PRAMEF20: variants seen among roughly 807,000 people sequenced by gnomAD.
The protein encoded by PRAMEF20 is PRAME family member 20, also known as PRAME family member 20/21.
Under a neutral mutation model 32.4 loss-of-function variants are expected in PRAMEF20, and 27 were observed. That is an observed-to-expected ratio of 0.83 (90% CI 0.61 to 1.15). PRAMEF20 has a LOEUF of 1.15. PRAMEF20 is among the 50% of genes most tolerant of loss of function. The pLI is 0.00. For synonymous variants in PRAMEF20, 256 were observed against 235.4 expected (o/e 1.09, Z -0.80); for missense variants, 604 against 584.5 (o/e 1.03, Z -0.34).
At chr1:13,420,178 T>C (rs1641227532) in intron 2 of PRAMEF20, among the ~76,000 whole-genome samples, 1 of 152,100 alleles carries the variant, frequency 6.6e-6, no homozygotes, top group Admixed American at 6.6e-5. Context: ...TTCCTATAAA[T>C]GATAGGGAAA....
In PRAMEF20 at chr1:13,420,853, AG is replaced by A; in HGVS notation, c.1024del (p.Val342PhefsTer3). On this transcript the variant is annotated frameshift_variant, in exon 3 of 3. Transcript: ENST00000602960. LOFTEE classifies it high-confidence loss of function. The stretch of plus-strand genomic sequence containing the variant: ...CCAATTTCAGCCTTGTGCCGCTCCA[AG>A]TTCTCCTAGAAAAAGTTGCAGCCAC... The A allele has an allele frequency of 5.0e-6, 8 of 1,613,928 alleles. No individual in the cohort carries two copies. In the South Asian group the frequency reaches 8.8e-5, roughly 18 times the overall value.
upstream of PRAMEF20, among the ~76,000 whole-genome samples, chr1:13,412,631 C>A (rs887461199): frequency 2.0e-5 from 3 of 150,852 alleles, no homozygotes; most frequent in Admixed American, 6.6e-5. Context: ...CGGCTCCCAC[C>A]CTTCATTTTC....
At chr1:13,418,577 C>T (rs958686457) in exon 2 of PRAMEF20, 12 of 1,613,018 alleles carry the variant, frequency 7.4e-6, no homozygotes, top group South Asian at 5.5e-5. Flanking sequence ...CGCTACATTT[C>T]CCCAGAGCAG....
At chr1:13,415,882 A>C (rs1006541952), upstream of PRAMEF20, among the ~76,000 whole-genome samples, 143 of 152,300 alleles carry the variant, frequency 9.4e-4, no homozygotes, top group Non-Finnish European at 1.9e-3. Flanking sequence ...AGTAAGCTTA[A>C]ATAATGAAAA....
exon 3 of PRAMEF20, chr1:13,420,843 T>G: frequency 6.2e-7 from 1 of 1,613,970 alleles, no homozygotes; most frequent in South Asian, 1.1e-5. Context: ...TTCAGCCTTG[T>G]GCCGCTCCAA....
At chr1:13,420,940 G>C in exon 3 of PRAMEF20, 1 of 1,613,656 alleles carries the variant, frequency 6.2e-7, no homozygotes, top group South Asian at 1.1e-5. Flanking sequence ...ACGCCATCCT[G>C]CCTGCCCTGA....
intron 2 of PRAMEF20, among the ~76,000 whole-genome samples, chr1:13,419,298 C>T (rs1336480900): frequency 1.3e-5 from 2 of 151,662 alleles, no homozygotes; most frequent in Non-Finnish European, 2.9e-5. Context: ...GGATTACAGG[C>T]ACGGGCCACC....
exon 2 of PRAMEF20, chr1:13,418,143 G>C (rs1204168097): frequency 6.2e-7 from 1 of 1,612,576 alleles, no homozygotes; most frequent in Non-Finnish European, 8.5e-7. Flanking sequence ...TTCAAGTGCT[G>C]GATTTACAGG....
the PRAMEF20 span, among the ~76,000 whole-genome samples, chr1:13,411,239 GAATCCCTT>G: frequency 5.3e-4 from 81 of 152,284 alleles, 1 homozygote; most frequent in African/African-American, 1.9e-3. Context: ...TGAGGTGGGA[GAATCCCTT>G]GAGCCCGGAA....
intron 2 of PRAMEF20, 31 bp downstream of exon 3, chr1:13,418,731 A>T: frequency 6.2e-7 from 1 of 1,612,038 alleles, no homozygotes; most frequent in Non-Finnish European, 8.5e-7. Context: ...TTCTCTGCAG[A>T]CCACAGCAGA....
chr1:13,420,778 C>G lies in PRAMEF20; in HGVS notation c.948C>G (p.Tyr316Ter), dbSNP rs1177187849. 8.7e-6 allele frequency: 14 copies of G among 1,613,898 alleles called. No homozygotes were observed. The highest frequency in any genetic ancestry group is 1.2e-5 in the Non-Finnish European group (14 of 1,179,866). ...CAGACTTGAAGCATCTGTCCAAGTA[C>G]CCGAGCATTGGTCAACTAAAGACCC... is the stretch of plus-strand genomic sequence containing the variant. Residue 316 changes from tyrosine to a stop codon, truncating the protein, a stop_gained, in exon 3 of 3, where the codon TAC becomes TAG. Coordinates refer to ENST00000602960, the Ensembl canonical transcript of PRAMEF20. LOFTEE classifies it high-confidence loss of function.
upstream of PRAMEF20, among the ~76,000 whole-genome samples, chr1:13,412,895 G>A (rs923437127): frequency 1.3e-5 from 2 of 151,124 alleles, no homozygotes; most frequent in Admixed American, 1.3e-4. Flanking sequence ...CTGCACTCCA[G>A]CCTGGGCTAG....
rs1353457014 is a variant in PRAMEF20 at position 13,416,696 on chromosome 1, C to A, written c.287+55C>A. On this transcript the variant is annotated intron_variant, in intron 1 of 2. Coordinates refer to ENST00000602960, the Ensembl canonical transcript of PRAMEF20. ...GGGCCCAGGTGTCCAACAGAAGGAA[C>A]AGCTGGGTCATGAGGAGTGAGGAGG... is the stretch of plus-strand genomic sequence containing the variant. 4.3e-6 allele frequency: 7 copies of A among 1,613,092 alleles called. No homozygotes were observed. In the South Asian group the frequency reaches 6.6e-5, roughly 15 times the overall value.
At chr1:13,417,255 T>C (rs1364864595) in intron 1 of PRAMEF20, among the ~76,000 whole-genome samples, 1 of 151,858 alleles carries the variant, frequency 6.6e-6, no homozygotes, top group Non-Finnish European at 1.5e-5. Flanking sequence ...CCTATCAGAG[T>C]GCCTTTTTTT....
upstream of PRAMEF20, among the ~76,000 whole-genome samples, chr1:13,413,370 T>C (rs1641132386): frequency 6.6e-6 from 1 of 152,092 alleles, no homozygotes; most frequent in Non-Finnish European, 1.5e-5. Context: ...TGTTGTTGTT[T>C]TTGTTTTTGT....
At chr1:13,418,190 C>T in exon 2 of PRAMEF20, 1 of 1,613,660 alleles carries the variant, frequency 6.2e-7, no homozygotes, top group Non-Finnish European at 8.5e-7. Flanking sequence ...TGGTCTGAAG[C>T]CATGGCCCGT....
intron 1 of PRAMEF20, among the ~76,000 whole-genome samples, chr1:13,417,181 C>T (rs917670413): frequency 0.086 from 13,140 of 152,092 alleles, 595 homozygotes; most frequent in Non-Finnish European, 0.094. Context: ...GAGTAGGTTG[C>T]CGCTGCTGAC....
At chr1:13,419,400 C>T (rs1362812211) in intron 2 of PRAMEF20, among the ~76,000 whole-genome samples, 15 of 151,900 alleles carry the variant, frequency 9.9e-5, no homozygotes, top group African/African-American at 3.1e-4. Context: ...CCACCCACTT[C>T]GGCCTCCCAA....
At chr1:13,420,242 G>A (rs1319462382) in intron 2 of PRAMEF20, among the ~76,000 whole-genome samples, 1 of 152,064 alleles carries the variant, frequency 6.6e-6, no homozygotes, top group Non-Finnish European at 1.5e-5. Flanking sequence ...ACAGAGTCTC[G>A]CTCTGTCACC....
Sources: allele counts gnomAD v4.1 joint callset (sites outside exome capture counted in the v4.1 genomes callset), GRCh38; gene constraint gnomAD v4.1.1; transcripts MANE v1.5; gene names NCBI Gene and HGNC (gene_info 2026-07-23, HGNC 2026-07-21).